The following PAPSS2 variants were observed in gnomAD, a reference collection of about 807,000 sequenced individuals.
The protein encoded by PAPSS2 is bifunctional 3'-phosphoadenosine 5'-phosphosulfate synthase 2.
A neutral mutation model predicts 66.5 loss-of-function variants in PAPSS2; 61 were observed. The ratio of observed to expected loss-of-function variants is 0.92; its 90% confidence interval spans 0.75 to 1.14. The LOEUF (loss-of-function observed/expected upper bound fraction) is 1.14, where lower values mean the gene tolerates loss of function less well. PAPSS2 is among the 50% of genes most tolerant of loss of function. The pLI is 0.00. For synonymous variants in PAPSS2, 289 were observed against 287.5 expected (o/e 1.01, Z -0.05); for missense variants, 708 against 789.6 (o/e 0.90, Z 1.24).
rs563220954 is a variant in PAPSS2 at position 87,732,523 on chromosome 10, CA to C, written c.1086+5047del. Among the ~76,000 whole-genome samples the C allele has an allele frequency of 5.0e-3, 680 of 135,510 alleles. 2 individuals are homozygous for C. The highest frequency in any genetic ancestry group is 8.4e-3 in the African/African-American group (311 of 37,206). The allele number at this position is 135,510 out of a possible 152,430, so 88.9% of individuals were successfully genotyped here. ...GGGCTATAGGAGTGAGACCCTTTCT[CA>C]AAAAAAAAAAAAGTTTAGATAATAT... On this transcript the variant is annotated intron_variant, in intron 9 of 12. Coordinates refer to ENST00000456849, the MANE Select transcript of PAPSS2 (RefSeq NM_001015880.2).
intron 1 of PAPSS2, among the ~76,000 whole-genome samples, chr10:87,704,370 A>T (rs1344733639): frequency 6.6e-6 from 1 of 152,222 alleles, no homozygotes; most frequent in South Asian, 2.1e-4. Context: ...TCAAGATCGT[A>T]ACAAAGTTCC....
At chr10:87,732,653 G>A (rs185285243) in intron 9 of PAPSS2, among the ~76,000 whole-genome samples, 8 of 152,250 alleles carry the variant, frequency 5.3e-5, no homozygotes, top group South Asian at 2.1e-4. Flanking sequence ...GTGTGACTCC[G>A]TTTATTACAA....
At chr10:87,694,587 T>A (rs1235132673) in intron 1 of PAPSS2, among the ~76,000 whole-genome samples, 3 of 152,166 alleles carry the variant, frequency 2.0e-5, no homozygotes, top group African/African-American at 7.2e-5. Flanking sequence ...CAGGAAATCA[T>A]AAACAGACCT....
chr10:87,718,475 A>G (rs1191213175), intron 7 of PAPSS2, among the ~76,000 whole-genome samples: 3 of 152,192 alleles, frequency 2.0e-5, no homozygotes, highest in African/African-American at 7.2e-5. Flanking sequence ...TTACCTTCCC[A>G]TTAATACTTG....
At chr10:87,666,380 C>T (rs1852816769) in intron 1 of PAPSS2, among the ~76,000 whole-genome samples, 1 of 152,240 alleles carries the variant, frequency 6.6e-6, no homozygotes, top group Admixed American at 6.5e-5. Flanking sequence ...TCTACCCTTT[C>T]TAGATTCCTG....
At chr10:87,729,210 T>C (rs1853697257) in intron 9 of PAPSS2, among the ~76,000 whole-genome samples, 1 of 151,040 alleles carries the variant, frequency 6.6e-6, no homozygotes, top group Non-Finnish European at 1.5e-5. Context: ...CACTTTATCG[T>C]GCTTCACAGA....
In PAPSS2 at chr10:87,727,353, G is replaced by A; in HGVS notation, c.950G>A (p.Gly317Glu). 1 of 1,613,976 alleles carries A rather than the reference G, an allele frequency of 6.2e-7. No individual in the cohort carries two copies. Among genetic ancestry groups the A allele is most frequent in the South Asian group, 1.1e-5 (1 of 91,056 alleles). ...GCAGAGGATAAGACACGGCTGGAAGGGTGCAGCAAGTTTGTCCTGGCACAT... is the reference window on the plus strand; with the variant it reads ...GCAGAGGATAAGACACGGCTGGAAGAGTGCAGCAAGTTTGTCCTGGCACAT... ...VSAEDKTRLE[G>E]CSKFVLAHGG... is the part of the protein sequence containing the mutation. The change falls in exon 9 of 13, where the codon GGG (glycine) becomes GAG (glutamate). Residue 317 changes from glycine (G) to glutamate (E), a missense_variant. Physicochemically the swap from Gly to Glu is moderately conservative, Grantham distance 98. Transcript: ENST00000456849.
At chr10:87,706,352 C>T (rs1853389750) in intron 1 of PAPSS2, among the ~76,000 whole-genome samples, 1 of 151,340 alleles carries the variant, frequency 6.6e-6, no homozygotes, top group African/African-American at 2.4e-5. Context: ...GTCTGATATT[C>T]AGACACAATG....
chr10:87,682,428 A>T (rs1853033593), intron 1 of PAPSS2, among the ~76,000 whole-genome samples: 1 of 152,206 alleles, frequency 6.6e-6, no homozygotes, highest in African/African-American at 2.4e-5. Context: ...AAAAATCTAC[A>T]ATTCGAGAGG....
chr10:87,743,497 G>C lies in PAPSS2; in HGVS notation c.1347G>C (p.Leu449=). Residue 449 remains leucine, a synonymous_variant, in exon 11 of 13, where the codon CTG becomes CTC. Transcript: ENST00000456849. ...ACCCGGTCCTCCTACTACACCCTCT[G>C]GGCGGCTGGACCAAGGATGACGATG... ...YKHPVLLLHP[L]GGWTKDDDVP... 6.2e-7 allele frequency: 1 copy of C among 1,614,122 alleles called. No homozygotes were observed. Among genetic ancestry groups the C allele is most frequent in the Non-Finnish European group, 8.5e-7 (1 of 1,180,008 alleles).
intron 7 of PAPSS2, among the ~76,000 whole-genome samples, chr10:87,718,952 A>G (rs7097745): frequency 0.5 from 76,221 of 151,812 alleles, 20,071 homozygotes; most frequent in East Asian, 0.71. Flanking sequence ...AAGCTGCAGG[A>G]CCTGTGTCTG....
At chr10:87,695,257 C>T (rs1041688198) in intron 1 of PAPSS2, among the ~76,000 whole-genome samples, 22 of 152,184 alleles carry the variant, frequency 1.4e-4, no homozygotes, top group Admixed American at 5.2e-4. Context: ...GGAGGAAAAA[C>T]GGCCAGGTGG....
At position 87,734,671 on chromosome 10, in the gene PAPSS2, A is replaced by G. The variant is rs1431251523; in HGVS notation, c.1087-6564A>G. ...CAGAAATGAATGTGTGTGTATATATATATATATATATATATATATATATAT... is the reference window on the plus strand; with the variant it reads ...CAGAAATGAATGTGTGTGTATATATGTATATATATATATATATATATATAT... On this transcript the variant is annotated intron_variant, in intron 9 of 12. Transcript: ENST00000456849. Among the ~76,000 whole-genome samples the G allele has an allele frequency of 5.8e-4, 57 of 98,626 alleles. 2 individuals carry two copies. The highest frequency in any genetic ancestry group is 1.9e-3 in the African/African-American group (43 of 22,438). 64.7% of individuals were successfully genotyped at this position (98,626 alleles called of 152,430 possible).
At chr10:87,671,736 A>G (rs1274127311) in intron 1 of PAPSS2, among the ~76,000 whole-genome samples, 1 of 152,200 alleles carries the variant, frequency 6.6e-6, no homozygotes, top group Non-Finnish European at 1.5e-5. Context: ...ATTGTTTTAT[A>G]TACACAGCCT....
intron 1 of PAPSS2, among the ~76,000 whole-genome samples, chr10:87,676,017 G>A (rs896422740): frequency 3.7e-5 from 5 of 136,116 alleles, no homozygotes; most frequent in African/African-American, 1.4e-4. Flanking sequence ...TTCCCAGCCA[G>A]TGCAGTCTTC....
chr10:87,673,086 AG>A (rs1241431354), intron 1 of PAPSS2, among the ~76,000 whole-genome samples: 1 of 152,220 alleles, frequency 6.6e-6, no homozygotes, highest in Non-Finnish European at 1.5e-5. Flanking sequence ...GCCAGTGTTC[AG>A]TTGGAAGATG....
chr10:87,682,647 T>C (rs1183894006), intron 1 of PAPSS2, among the ~76,000 whole-genome samples: 1 of 151,940 alleles, frequency 6.6e-6, no homozygotes, highest in Admixed American at 6.6e-5. Context: ...TAAAGAAAAT[T>C]CCCATCCTCA....
intron 9 of PAPSS2, among the ~76,000 whole-genome samples, chr10:87,732,044 TGAAA>T (rs760371529): frequency 2.0e-4 from 31 of 152,302 alleles, no homozygotes; most frequent in Non-Finnish European, 2.6e-4. Flanking sequence ...AAATCTTTCA[TGAAA>T]GAAAGAGTCA....
intron 2 of PAPSS2, among the ~76,000 whole-genome samples, chr10:87,710,563 TC>T (rs1324054269): frequency 4.6e-5 from 7 of 152,082 alleles, no homozygotes; most frequent in African/African-American, 1.7e-4. Context: ...ACACACAAAG[TC>T]CATTTTCTCT....
Sources: gnomAD v4.1 joint callset for allele counts (sites outside exome capture counted in the v4.1 genomes callset) on GRCh38, gnomAD v4.1.1 for gene constraint, MANE v1.5 for transcripts, NCBI Gene and HGNC (gene_info 2026-07-23, HGNC 2026-07-21) for gene names.